Variants in SLCO5A1 observed in about 807,000 individuals in gnomAD.
SLCO5A1 encodes the protein solute carrier organic anion transporter family member 5A1, also known as organic anion transporter polypeptide-related protein 4.
A neutral mutation model predicts 65.1 loss-of-function variants in SLCO5A1; 39 were observed. The observed-to-expected ratio is 0.60, with a 90% CI of 0.46 to 0.78. The LOEUF is 0.78. SLCO5A1 is among the 30% of genes least tolerant of loss of function. SLCO5A1 has a pLI of 0.00. For missense variants in SLCO5A1, 1,029 were observed against 1,069.4 expected (o/e 0.96, Z 0.53); for synonymous variants, 438 against 415.7 (o/e 1.05, Z -0.65).
chr8:69,721,341 C>A (rs1395192734), intron 5 of SLCO5A1, among the ~76,000 whole-genome samples: 1 of 152,142 alleles, frequency 6.6e-6, no homozygotes, highest in Non-Finnish European at 1.5e-5. Context: ...TCCTTTGAGT[C>A]TCTGATATTC....
chr8:69,676,403 C>T (rs953501508), intron 9 of SLCO5A1, among the ~76,000 whole-genome samples: 12 of 152,170 alleles, frequency 7.9e-5, no homozygotes, highest in African/African-American at 2.7e-4. Context: ...ACTAACCTAA[C>T]GTTGGTTTTG....
At chr8:69,673,526 C>T (rs954592312) in intron 9 of SLCO5A1, among the ~76,000 whole-genome samples, 200 bp from the exon 10 acceptor site, 1 of 152,050 alleles carries the variant, frequency 6.6e-6, no homozygotes, top group Non-Finnish European at 1.5e-5. Context: ...ATGATAAACA[C>T]TTAAAGTCGA....
intron 4 of SLCO5A1, among the ~76,000 whole-genome samples, chr8:69,739,903 A>G (rs1251079278): frequency 6.6e-6 from 1 of 152,194 alleles, no homozygotes; most frequent in African/African-American, 2.4e-5. Flanking sequence ...AATTAAGTTT[A>G]GCAGCATATT....
At position 69,832,328 on chromosome 8, in the gene SLCO5A1, C is replaced by T. The variant is rs886831870; in HGVS notation, c.346G>A (p.Glu116Lys). 1 of 1,614,220 alleles carries T rather than the reference C, an allele frequency of 6.2e-7. No homozygotes were observed. Among genetic ancestry groups the T allele is most frequent in the Admixed American group, 1.7e-5 (1 of 60,032 alleles). ...SVSSALAMLQ[E>K]RRCLYVVLTD... ...AGGACCACGTAGAGGCACCTTCTCT[C>T]CTGGAGCATGGCCAAGGCGGAGGAC... Residue 116 changes from glutamate to lysine, a missense_variant, in exon 2 of 10, where the codon GAG (glutamate) becomes AAG (lysine). Physicochemically the swap from Glu to Lys is moderately conservative, Grantham distance 56. Coordinates refer to ENST00000260126, the MANE Select transcript of SLCO5A1 (RefSeq NM_030958.3). The surrounding 1 kb of genome is among the most constrained non-coding windows in gnomAD (Gnocchi z 4.5).
chr8:69,823,135 C>T (rs1820717934), intron 2 of SLCO5A1, among the ~76,000 whole-genome samples: 1 of 152,186 alleles, frequency 6.6e-6, no homozygotes, highest in Non-Finnish European at 1.5e-5. Flanking sequence ...CAAAGGATCA[C>T]ATTTTCTCTC....
chr8:69,730,861 T>C (rs993400123), intron 5 of SLCO5A1, among the ~76,000 whole-genome samples: 6 of 152,260 alleles, frequency 3.9e-5, no homozygotes, highest in African/African-American at 1.4e-4. Context: ...CTGTTGAAAC[T>C]GGTTACATAG....
At chr8:69,742,559 A>G (rs142027846) in intron 4 of SLCO5A1, among the ~76,000 whole-genome samples, 2 of 152,218 alleles carry the variant, frequency 1.3e-5, no homozygotes, top group Non-Finnish European at 2.9e-5. Flanking sequence ...AAGGTGGTCT[A>G]TACTCTGAAA....
intron 5 of SLCO5A1, among the ~76,000 whole-genome samples, chr8:69,712,830 T>C (rs1316001831): frequency 6.6e-6 from 1 of 151,518 alleles, no homozygotes; most frequent in East Asian, 1.9e-4. Flanking sequence ...AAATCTTATA[T>C]AACTTTGAAT....
intron 6 of SLCO5A1, among the ~76,000 whole-genome samples, chr8:69,683,627 A>G (rs1047458830): frequency 1.3e-5 from 2 of 150,202 alleles, no homozygotes; most frequent in African/African-American, 4.9e-5. Flanking sequence ...CAGTGGCGTG[A>G]TCTCCACTCA....
intron 6 of SLCO5A1, among the ~76,000 whole-genome samples, chr8:69,683,561 ACTTAT>A (rs1354473037): frequency 7.9e-6 from 1 of 126,196 alleles, no homozygotes; most frequent in Admixed American, 7.9e-5. Context: ...CGCCACCAAG[ACTTAT>A]CTTTTTTTTT....
chr8:69,730,695 G>T (rs1816300083), intron 5 of SLCO5A1, among the ~76,000 whole-genome samples: 4 of 152,090 alleles, frequency 2.6e-5, no homozygotes, highest in Admixed American at 2.6e-4. Context: ...GGTTGAGGAT[G>T]GTTTGTACCA....
At chr8:69,691,120 C>T (rs1478084001) in intron 6 of SLCO5A1, among the ~76,000 whole-genome samples, 5 of 152,120 alleles carry the variant, frequency 3.3e-5, no homozygotes, top group African/African-American at 9.7e-5. Flanking sequence ...CCAGCTCTTT[C>T]GGGTCCAAGG....
intron 5 of SLCO5A1, among the ~76,000 whole-genome samples, chr8:69,715,219 A>G (rs2130820671): frequency 6.6e-6 from 1 of 152,338 alleles, no homozygotes; most frequent in East Asian, 1.9e-4. Context: ...GAAAACCGCT[A>G]AGCAAACTAC....
At chr8:69,769,246 C>G (rs1818210554) in intron 2 of SLCO5A1, among the ~76,000 whole-genome samples, 1 of 152,178 alleles carries the variant, frequency 6.6e-6, no homozygotes, top group Non-Finnish European at 1.5e-5. Flanking sequence ...ATCTGCACTG[C>G]CCACTTTATT....
chr8:69,760,576 G>T (rs1284006454), intron 3 of SLCO5A1, among the ~76,000 whole-genome samples: 1 of 152,140 alleles, frequency 6.6e-6, no homozygotes, highest in Non-Finnish European at 1.5e-5. Flanking sequence ...AAAAAAGTGA[G>T]TGAGTAATTA....
At chr8:69,694,853 TAGTC>T (rs1397917656) in intron 6 of SLCO5A1, among the ~76,000 whole-genome samples, 6 of 152,194 alleles carry the variant, frequency 3.9e-5, no homozygotes, top group African/African-American at 1.4e-4. Context: ...CCAGCACTCT[TAGTC>T]AGGTTACTTG....
intron 3 of SLCO5A1, 162 bp downstream of exon 3, chr8:69,761,581 G>T (rs1052407699): frequency 1.5e-6 from 1 of 671,098 alleles, no homozygotes; most frequent in Non-Finnish European, 2.5e-6. Context: ...GGATTAGGAC[G>T]TAGCTTTCTT....
At chr8:69,685,267 T>G (rs1399466779) in intron 6 of SLCO5A1, among the ~76,000 whole-genome samples, 1 of 152,188 alleles carries the variant, frequency 6.6e-6, no homozygotes, top group African/African-American at 2.4e-5. Context: ...TGTCATTCAC[T>G]CTCCAGAAAA....
Position 69,761,829 on chromosome 8 carries a change from T to C in SLCO5A1, c.954A>G (p.Leu318=), listed in dbSNP as rs142227692. Reference sequence around the variant, plus strand: ...AAAAACCAATAAGAAGTCCACCTAATAAATATCCCACTGCAGGGCCAAGTG... The same window carrying C: ...AAAAACCAATAAGAAGTCCACCTAACAAATATCCCACTGCAGGGCCAAGTG... The part of the protein sequence containing the change: ...MGALGPAVGY[L]LGGLLIGFYV... The change falls in exon 3 of 10, where the codon TTA becomes TTG. Residue 318 remains leucine, a synonymous_variant. Transcript: ENST00000260126. 1,055 of 1,613,956 alleles carry C rather than the reference T, an allele frequency of 6.5e-4. 9 individuals carry two copies. The African/African-American group carries it at 0.012, about 18-fold the overall frequency.
Sources: gnomAD v4.1 joint callset for allele counts (sites outside exome capture counted in the v4.1 genomes callset) on GRCh38, gnomAD v4.1.1 for gene constraint, Gnocchi (gnomAD v3.1) non-coding constraint, MANE v1.5 for transcripts, NCBI Gene and HGNC (gene_info 2026-07-23, HGNC 2026-07-21) for gene names.